PRMT8: variants seen among roughly 807,000 people sequenced by gnomAD.
PRMT8 encodes protein arginine methyltransferase 8.
PRMT8 carries 7 observed loss-of-function variants against 47.1 expected under a neutral mutation model. That is an observed-to-expected ratio of 0.15 (90% CI 0.08 to 0.28). The LOEUF is 0.28. Ranked by LOEUF, PRMT8 falls within the 10% of genes least tolerant of loss-of-function variation. The pLI, the probability that PRMT8 is intolerant of heterozygous loss-of-function variation, is 1.00. For synonymous variants in PRMT8, 188 were observed against 186.5 expected, an observed-to-expected ratio of 1.01 and a Z score of -0.07; for missense variants, 237 against 505.4, an observed-to-expected ratio of 0.47 and a Z score of 5.09.
intron 1 of PRMT8, among the ~76,000 whole-genome samples, chr12:3,417,401 A>G (rs899959276): frequency 6.6e-6 from 1 of 152,252 alleles, no homozygotes; most frequent in African/African-American, 2.4e-5. Flanking sequence ...TGCAACATGA[A>G]TTAATTCAAG....
intron 7 of PRMT8, among the ~76,000 whole-genome samples, chr12:3,579,552 G>A (rs1174384911): frequency 2.0e-5 from 3 of 152,066 alleles, no homozygotes; most frequent in Non-Finnish European, 2.9e-5. Context: ...TCTGTCCCAC[G>A]CTGGTCCCTT....
chr12:3,537,143 G>C (rs1176753406), intron 1 of PRMT8, among the ~76,000 whole-genome samples: 1 of 152,212 alleles, frequency 6.6e-6, no homozygotes, highest in Non-Finnish European at 1.5e-5. Context: ...ATGTGTGAAA[G>C]GACCTATCTC....
At chr12:3,452,120 G>A (rs1864924628) in intron 1 of PRMT8, among the ~76,000 whole-genome samples, 1 of 152,182 alleles carries the variant, frequency 6.6e-6, no homozygotes, top group African/African-American at 2.4e-5. Flanking sequence ...AGACCACAAA[G>A]ATGGACACAC....
chr12:3,592,800 T>C (rs1341311143), intron 9 of PRMT8, among the ~76,000 whole-genome samples: 1 of 152,202 alleles, frequency 6.6e-6, no homozygotes. Context: ...CAGAGTGCTC[T>C]GAAGGTCACC....
At chr12:3,520,641 TA>T (rs570235885) in intron 1 of PRMT8, among the ~76,000 whole-genome samples, 1 of 152,036 alleles carries the variant, frequency 6.6e-6, no homozygotes, top group African/African-American at 2.4e-5. Context: ...TAATAGATGG[TA>T]AAAAAACACA....
chr12:3,385,427 C>T (rs2137042769), intron 1 of PRMT8, among the ~76,000 whole-genome samples: 1 of 152,290 alleles, frequency 6.6e-6, no homozygotes, highest in South Asian at 2.1e-4. Flanking sequence ...AGACTGTACC[C>T]ACAATTTCAG....
intron 1 of PRMT8, among the ~76,000 whole-genome samples, chr12:3,433,652 C>T (rs909410786): frequency 6.6e-6 from 1 of 152,134 alleles, no homozygotes; most frequent in East Asian, 1.9e-4. Context: ...CGCTCTGTCA[C>T]CCAGGCTGGA....
rs528730003 is a variant in PRMT8 at position 3,575,476 on chromosome 12, G to A, written c.713-1395G>A. Among the ~76,000 whole-genome samples the A allele has an allele frequency of 6.6e-5, 10 of 152,368 alleles. No homozygotes were observed. The South Asian group carries it at 1.9e-3, about 28-fold the overall frequency. On this transcript the variant is annotated intron_variant, in intron 6 of 9. Transcript: ENST00000382622. The stretch of plus-strand genomic sequence containing the variant: ...AGCTGTCCTCTCTGCACTGTAGGGA[G>A]AGAAATCTTGCATTCCTGGTTGCTG...
Position 3,507,387 on chromosome 12 carries a change from C to T in PRMT8, c.75+15687C>T, listed in dbSNP as rs1384166088. On this transcript the variant is annotated intron_variant, in intron 1 of 9. Coordinates refer to ENST00000382622, the MANE Select transcript of PRMT8 (RefSeq NM_019854.5). The stretch of plus-strand genomic sequence containing the variant: ...CCGCCCGCCTCGGCCTCCCAAAACG[C>T]TGGGATTACAGGCGTGAACCACCGC... Among the ~76,000 whole-genome samples the T allele has an allele frequency of 2.6e-5, 4 of 152,282 alleles. No individual in the cohort carries two copies. In the East Asian group the frequency reaches 7.7e-4, roughly 29 times the overall value.
chr12:3,385,111 A>T (rs949182640), intron 1 of PRMT8, among the ~76,000 whole-genome samples: 4 of 152,178 alleles, frequency 2.6e-5, no homozygotes, highest in Non-Finnish European at 5.9e-5. Flanking sequence ...TTTATTTCTC[A>T]TTGCTGTGAC....
chr12:3,590,645 A>G (rs1210578633), intron 8 of PRMT8, among the ~76,000 whole-genome samples: 1 of 151,932 alleles, frequency 6.6e-6, no homozygotes, highest in African/African-American at 2.4e-5. Flanking sequence ...AAAAAAAAAA[A>G]AAAGAAATCC....
At chr12:3,565,544 A>G (rs1866705335) in intron 4 of PRMT8, among the ~76,000 whole-genome samples, 1 of 152,176 alleles carries the variant, frequency 6.6e-6, no homozygotes, top group African/African-American at 2.4e-5. Context: ...ACTTGAATAG[A>G]TGTAGAAGGG....
chr12:3,518,048 A>C (rs1865823427), intron 1 of PRMT8, among the ~76,000 whole-genome samples: 1 of 152,092 alleles, frequency 6.6e-6, no homozygotes, highest in Admixed American at 6.5e-5. Context: ...AGAGAAAAAA[A>C]AAAAAGCATA....
At chr12:3,419,052 G>A (rs1045383407) in intron 1 of PRMT8, among the ~76,000 whole-genome samples, 10 of 152,240 alleles carry the variant, frequency 6.6e-5, no homozygotes, top group Non-Finnish European at 1.5e-4. Context: ...CAGACGTTTT[G>A]TGGATGGTTT....
chr12:3,386,993 C>A (rs1319311829), intron 1 of PRMT8, among the ~76,000 whole-genome samples: 2 of 152,144 alleles, frequency 1.3e-5, no homozygotes, highest in African/African-American at 4.8e-5. Context: ...CAGGCATGAG[C>A]CACCACGCCT....
intron 6 of PRMT8, among the ~76,000 whole-genome samples, chr12:3,575,545 G>C (rs1233950916): frequency 1.3e-5 from 2 of 152,218 alleles, no homozygotes; most frequent in Non-Finnish European, 2.9e-5. Context: ...GGGACATGCT[G>C]GGCTTGAGCC....
At chr12:3,459,476 C>T (rs1865016242) in intron 1 of PRMT8, among the ~76,000 whole-genome samples, 1 of 152,210 alleles carries the variant, frequency 6.6e-6, no homozygotes, top group African/African-American at 2.4e-5. Flanking sequence ...AGTGTGCCCT[C>T]CTGAAAGCCT....
chr12:3,389,124 A>T (rs1864168757), intron 1 of PRMT8, among the ~76,000 whole-genome samples: 1 of 152,188 alleles, frequency 6.6e-6, no homozygotes, highest in Admixed American at 6.5e-5. Context: ...ATTACAGTGA[A>T]TCCTTCTGGG....
At chr12:3,560,335 C>A (rs897655216) in intron 4 of PRMT8, among the ~76,000 whole-genome samples, 9 of 152,220 alleles carry the variant, frequency 5.9e-5, no homozygotes, top group Non-Finnish European at 8.8e-5. Context: ...CAGCCTCTCT[C>A]CCTCTCCACC....
Sources: allele counts gnomAD v4.1 joint callset (sites outside exome capture counted in the v4.1 genomes callset), GRCh38; gene constraint gnomAD v4.1.1; transcripts MANE v1.5; gene names NCBI Gene and HGNC (gene_info 2026-07-23, HGNC 2026-07-21).